ALDH7A1: variants seen among roughly 807,000 people sequenced by gnomAD.
ALDH7A1 encodes aldehyde dehydrogenase 7 family member A1, also known as alpha-aminoadipic semialdehyde dehydrogenase.
In ALDH7A1, 63 loss-of-function variants were observed where a neutral mutation model predicts 79.9. The observed-to-expected ratio is 0.79, with a 90% CI of 0.64 to 0.97. The LOEUF (loss-of-function observed/expected upper bound fraction) is 0.97. ALDH7A1 is among the 50% of genes least tolerant of loss of function. ALDH7A1 has a pLI of 0.00. For missense variants in ALDH7A1, 627 were observed against 665.2 expected (o/e 0.94, Z 0.63); for synonymous variants, 240 against 231.2 (o/e 1.04, Z -0.34).
intron 2 of ALDH7A1, 41 bp downstream of exon 2, chr5:126,593,308 AAC>A (rs142510783): frequency 0.13 from 169,933 of 1,328,970 alleles, 120 homozygotes; most frequent in East Asian, 0.18. Flanking sequence ...ATTTGAATTA[AAC>A]ACACACACAC....
chr5:126,562,206 AT>A (rs150070498), intron 9 of ALDH7A1: 95,648 of 143,784 alleles, frequency 0.67, 31,530 homozygotes, highest in Middle Eastern at 0.74. Flanking sequence ...ATTTTTATTA[AT>A]TTTTTTTTTT....
Position 126,559,308 on chromosome 5 carries a change from C to G in ALDH7A1, c.940G>C (p.Val314Leu), listed in dbSNP as rs774519989. Residue 314 changes from valine (V) to leucine (L), a missense_variant, in exon 11 of 18, where the codon GTT becomes CTT. Coordinates refer to ENST00000409134, the MANE Select transcript of ALDH7A1 (RefSeq NM_001182.5). ...GCAGCGAAGAGAGCTGATGGAACAA[C>G]TAAGCTGAGGTCTGCATCTTCAAAG... ...IAFEDADLSL[V>L]VPSALFAAVG... is the part of the protein sequence containing the mutation. The G allele has an allele frequency of 3.1e-6, 5 of 1,613,806 alleles. No individual in the cohort carries two copies. The highest frequency in any genetic ancestry group is 2.2e-5 in the East Asian group (1 of 44,888).
chr5:126,550,052 C>G, intron 15 of ALDH7A1, 50 bp from the exon 16 acceptor site: 1 of 1,590,564 alleles, frequency 6.3e-7, no homozygotes, highest in East Asian at 2.2e-5. Context: ...AAATTAAAAA[C>G]AAACAAAAAT....
At chr5:126,575,564 C>T in intron 6 of ALDH7A1, 100 bp from the exon 7 acceptor site, 1 of 1,092,766 alleles carries the variant, frequency 9.2e-7, no homozygotes, top group Non-Finnish European at 1.3e-6. Flanking sequence ...TGAGAAAAAG[C>T]TCTGTCCAAT....
At position 126,541,966 on chromosome 5, in the gene ALDH7A1, A is replaced by G. The variant is rs1749610473; in HGVS notation, c.*2999T>C. On this transcript the variant is annotated 3_prime_UTR_variant, in exon 18 of 18. Transcript: ENST00000409134. ...TAAAACATTTGTGGACCTTTCCAAT[A>G]GAAAAAAAAAAAGAGCAAACTCTAA... The G allele has an allele frequency of 3.4e-4, 1 of 2,936 alleles. No individual in the cohort carries two copies. The highest frequency in any genetic ancestry group is 1.3e-3 in the African/African-American group (1 of 770). 0.2% of individuals were successfully genotyped at this position (2,936 alleles called of 1,614,324 possible).
intron 12 of ALDH7A1, 27 bp from the exon 13 acceptor site, chr5:126,554,420 C>A: frequency 6.3e-7 from 1 of 1,599,566 alleles, no homozygotes; most frequent in Non-Finnish European, 8.6e-7. Context: ...AAGGCTGGCT[C>A]ATCATTTTGC....
rs78160493 is a variant in ALDH7A1, at chr5:126,554,617, A to C, written c.1094-224T>G. ...ATACTCAACTCCGTAATTGTAGTGC[A>C]AAAGCAGCCATAAATGACATGCAAA... On this transcript the variant is annotated intron_variant, in intron 12 of 17. Coordinates refer to ENST00000409134, the MANE Select transcript of ALDH7A1 (RefSeq NM_001182.5). 0.022 allele frequency: 12,094 copies of C among 556,562 alleles called. 200 individuals are homozygous for C. The highest frequency in any genetic ancestry group is 0.026 in the Non-Finnish European group (8,060 of 308,668). 34.5% of individuals were successfully genotyped at this position (556,562 alleles called of 1,614,324 possible).
chr5:126,563,843 T>C (rs556136914), intron 9 of ALDH7A1, among the ~76,000 whole-genome samples: 222 of 152,106 alleles, frequency 1.5e-3, no homozygotes, highest in African/African-American at 4.9e-3. Flanking sequence ...GGCTGGAATA[T>C]AGTGGTGCTA....
Position 126,544,686 on chromosome 5 carries a change from A to AATAATC in ALDH7A1, c.*273_*278dup, listed in dbSNP as rs1749725770. The AATAATC allele has an allele frequency of 2.3e-6, 1 of 427,894 alleles. No individual in the cohort carries two copies. Among genetic ancestry groups the AATAATC allele is most frequent in the African/African-American group, 2.0e-5 (1 of 49,756 alleles). The allele number at this position is 427,894 out of a possible 1,614,324, so 26.5% of individuals were successfully genotyped here. A position where few individuals can be genotyped will look rare whatever the true frequency, so the allele number is the denominator to read the frequency against. On this transcript the variant is annotated 3_prime_UTR_variant, in exon 18 of 18. Coordinates refer to ENST00000409134, the MANE Select transcript of ALDH7A1 (RefSeq NM_001182.5). ...ACGTACTATTTTTTTCTAATTACAA[A>AATAATC]ATAATCATTAACTTTTAAAAAGCCA... is the stretch of plus-strand genomic sequence containing the variant.
chr5:126,574,708 A>G (rs1051742204), intron 7 of ALDH7A1, among the ~76,000 whole-genome samples: 2 of 151,504 alleles, frequency 1.3e-5, no homozygotes, highest in Non-Finnish European at 2.9e-5. Flanking sequence ...AAATAATAAT[A>G]ATAATAATAA....
intron 6 of ALDH7A1, 109 bp from the exon 7 acceptor site, chr5:126,575,573 A>G: frequency 1.1e-6 from 1 of 940,118 alleles, no homozygotes; most frequent in South Asian, 1.5e-5. Context: ...GCTCTGTCCA[A>G]TTAGACAACT....
chr5:126,592,211 T>C (rs1751576434), intron 3 of ALDH7A1: 1 of 179,080 alleles, frequency 5.6e-6, no homozygotes, highest in Non-Finnish European at 1.2e-5. Context: ...ATCACAAGCA[T>C]GAGCCACCAG....
intron 4 of ALDH7A1, 118 bp downstream of exon 4, chr5:126,583,814 T>G: frequency 4.9e-6 from 4 of 817,680 alleles, no homozygotes; most frequent in Non-Finnish European, 6.0e-6. Context: ...CACTCCAGCC[T>G]GGGTGACAGC....
At chr5:126,580,341 C>T (rs565396791) in intron 5 of ALDH7A1, among the ~76,000 whole-genome samples, 1 of 152,216 alleles carries the variant, frequency 6.6e-6, no homozygotes, top group South Asian at 2.1e-4. Flanking sequence ...AAGTGATCCG[C>T]CCACCTCTGC....
rs557212524 is a variant in ALDH7A1, at chr5:126,564,657, C to T, written c.872-3533G>A. On this transcript the variant is annotated intron_variant, in intron 9 of 17. Transcript: ENST00000409134. ...ACATGGCTGTTACTACCAAAAGCCA[C>T]CAAATGCTACACCAACTCTAGTCTC... 2.4e-5 allele frequency: 19 copies of T among 807,558 alleles called. No individual in the cohort carries two copies. In the African/African-American group the frequency reaches 3.2e-4, roughly 14 times the overall value. 50.0% of individuals were successfully genotyped at this position (807,558 alleles called of 1,614,324 possible). A position where few individuals can be genotyped will look rare whatever the true frequency, so the allele number is the denominator to read the frequency against.
At chr5:126,591,482 C>T (rs970232656) in intron 3 of ALDH7A1, among the ~76,000 whole-genome samples, 2 of 146,294 alleles carry the variant, frequency 1.4e-5, no homozygotes, top group Admixed American at 6.8e-5. Flanking sequence ...TGCAATCACT[C>T]ACTCAGAGAA....
intron 1 of ALDH7A1, chr5:126,594,276 G>T (rs1004646228): frequency 5.1e-5 from 24 of 470,756 alleles, no homozygotes; most frequent in African/African-American, 8.0e-5. Flanking sequence ...AACTCCCAAA[G>T]AATTCAGGAA....
At position 126,543,081 on chromosome 5, in the gene ALDH7A1, C is replaced by G. The variant is rs189465791; in HGVS notation, c.*1884G>C. The G allele has an allele frequency of 6.6e-6, 1 of 152,408 alleles. No individual in the cohort carries two copies. Among genetic ancestry groups the G allele is most frequent in the East Asian group, 1.9e-4 (1 of 5,184 alleles). The allele number at this position is 152,408 out of a possible 1,614,324, so 9.4% of individuals were successfully genotyped here. The stretch of plus-strand genomic sequence containing the variant: ...AGCAGTTATGAAATGCTCAAGATAA[C>G]CAGTAATGAGCAGCACAAGACCCCT... On this transcript the variant is annotated 3_prime_UTR_variant, in exon 18 of 18. Transcript: ENST00000409134.
In ALDH7A1 at chr5:126,543,774, C is replaced by T. The variant is rs895435163; in HGVS notation, c.*1191G>A. The T allele has an allele frequency of 1.2e-4, 18 of 152,018 alleles. No homozygotes were observed. The highest frequency in any genetic ancestry group is 1.0e-3 in the Admixed American group (16 of 15,258). 9.4% of individuals were successfully genotyped at this position (152,018 alleles called of 1,614,324 possible). A position where few individuals can be genotyped will look rare whatever the true frequency, so the allele number is the denominator to read the frequency against. ...ACAGGGGCCTCTGGGCTGAACCAGC[C>T]CAAAGGCTCCTGTGCAGCTTCCCAG... On this transcript the variant is annotated 3_prime_UTR_variant, in exon 18 of 18. Transcript: ENST00000409134.
Sources: allele counts gnomAD v4.1 joint callset (sites outside exome capture counted in the v4.1 genomes callset), GRCh38; gene constraint gnomAD v4.1.1; transcripts MANE v1.5; gene names NCBI Gene and HGNC (gene_info 2026-07-23, HGNC 2026-07-21).